The following RPS6KC1 variants were observed in gnomAD, a reference collection of about 807,000 sequenced individuals.
RPS6KC1 encodes inactive ribosomal protein S6 kinase delta-1.
Under a neutral mutation model 103.8 loss-of-function variants are expected in RPS6KC1, and 54 were observed. That is an observed-to-expected ratio of 0.52 (90% CI 0.42 to 0.65). The LOEUF (loss-of-function observed/expected upper bound fraction) is 0.65, where lower values mean the gene tolerates loss of function less well. Among genes scored for constraint, RPS6KC1 ranks in the 30% least tolerant of loss-of-function variants. The pLI is 0.00. For synonymous variants in RPS6KC1, 439 were observed against 438.7 expected (o/e 1.00, Z -0.01); for missense variants, 1,151 against 1,253.8 (o/e 0.92, Z 1.24).
chr1:213,555,440 A>G, the RPS6KC1 span, among the ~76,000 whole-genome samples: 5 of 152,144 alleles, frequency 3.3e-5, no homozygotes, highest in African/African-American at 1.2e-4. Context: ...GATTGCTTGA[A>G]TATTTCATTT....
At chr1:213,592,439 A>G in the RPS6KC1 span, among the ~76,000 whole-genome samples, 1 of 152,216 alleles carries the variant, frequency 6.6e-6, no homozygotes, top group African/African-American at 2.4e-5. Context: ...TTGAAAAATC[A>G]GGGGTTCAGA....
chr1:213,240,029 G>A (rs2094315171), intron 10 of RPS6KC1, among the ~76,000 whole-genome samples: 1 of 152,092 alleles, frequency 6.6e-6, no homozygotes, highest in Non-Finnish European at 1.5e-5. Context: ...TAGTTTTAAA[G>A]ATATATGTCA....
the RPS6KC1 span, among the ~76,000 whole-genome samples, chr1:213,285,220 G>C: frequency 2.0e-5 from 3 of 152,290 alleles, no homozygotes; most frequent in South Asian, 2.1e-4. Flanking sequence ...GGGGAGAGCA[G>C]AGAGAGGAAG....
chr1:213,614,580 C>T, the RPS6KC1 span, among the ~76,000 whole-genome samples: 1 of 152,232 alleles, frequency 6.6e-6, no homozygotes, highest in African/African-American at 2.4e-5. Flanking sequence ...CTCATCTCAG[C>T]ATTATTCCCA....
At chr1:213,303,631 C>T in the RPS6KC1 span, among the ~76,000 whole-genome samples, 1 of 152,088 alleles carries the variant, frequency 6.6e-6, no homozygotes, top group African/African-American at 2.4e-5. Flanking sequence ...CTTACCCAAA[C>T]CCCAGAGAGT....
the RPS6KC1 span, among the ~76,000 whole-genome samples, chr1:213,397,892 C>G: frequency 6.6e-5 from 10 of 152,134 alleles, no homozygotes; most frequent in African/African-American, 2.4e-4. Context: ...AAAGCTTCCT[C>G]TGTTTGCCGC....
chr1:213,096,280 C>A (rs2081443970), intron 3 of RPS6KC1, among the ~76,000 whole-genome samples: 2 of 152,208 alleles, frequency 1.3e-5, no homozygotes, highest in Admixed American at 1.3e-4. Flanking sequence ...CGTCTTCAGG[C>A]TCCTCTTCCA....
the RPS6KC1 span, among the ~76,000 whole-genome samples, chr1:213,593,062 A>G: frequency 5.3e-5 from 8 of 150,486 alleles, no homozygotes; most frequent in Non-Finnish European, 1.2e-4. Context: ...GAGCATTACA[A>G]ACAGTGTTCA....
the RPS6KC1 span, among the ~76,000 whole-genome samples, chr1:213,399,384 G>C: frequency 6.6e-6 from 1 of 152,166 alleles, no homozygotes; most frequent in African/African-American, 2.4e-5. Flanking sequence ...GACAAGTGTA[G>C]AGTTGAGTAG....
At chr1:213,714,557 G>T in the RPS6KC1 span, among the ~76,000 whole-genome samples, 3 of 152,214 alleles carry the variant, frequency 2.0e-5, no homozygotes, top group Non-Finnish European at 4.4e-5. Context: ...CCAGCTCTGG[G>T]CTGGCGTGCA....
In RPS6KC1 at chr1:213,189,880, A is replaced by G. The variant is rs1246326229; in HGVS notation, c.1044+13388A>G. Reference sequence around the variant, plus strand: ...TCAATTATTTTAATTTTTAACTCCCATAAATAAGTGAGTACATGCAAAGTT... The same window carrying G: ...TCAATTATTTTAATTTTTAACTCCCGTAAATAAGTGAGTACATGCAAAGTT... On this transcript the variant is annotated intron_variant, in intron 8 of 14. Transcript: ENST00000366960. 5.3e-5 allele frequency among the ~76,000 whole-genome samples: 8 copies of G among 152,304 alleles called. No homozygotes were observed. In the South Asian group the frequency reaches 1.4e-3, roughly 28 times the overall value.
At chr1:213,572,870 A>G in the RPS6KC1 span, among the ~76,000 whole-genome samples, 2 of 152,146 alleles carry the variant, frequency 1.3e-5, no homozygotes, top group Admixed American at 6.5e-5. Context: ...AAGAGCCCCC[A>G]TCTTGGTAAT....
chr1:213,121,493 G>C (rs925392430), intron 5 of RPS6KC1, among the ~76,000 whole-genome samples: 1 of 152,146 alleles, frequency 6.6e-6, no homozygotes, highest in Non-Finnish European at 1.5e-5. Flanking sequence ...GTAATTGGTT[G>C]CTAACATCTT....
chr1:213,224,137 A>G (rs560708333), intron 8 of RPS6KC1, among the ~76,000 whole-genome samples: 2 of 152,310 alleles, frequency 1.3e-5, no homozygotes, highest in African/African-American at 4.8e-5. Context: ...ATTTGCTTAA[A>G]AATAATCATC....
At chr1:213,074,309 T>G (rs2148494027) in intron 2 of RPS6KC1, among the ~76,000 whole-genome samples, 1 of 152,354 alleles carries the variant, frequency 6.6e-6, no homozygotes, top group South Asian at 2.1e-4. Flanking sequence ...AATATTTCAT[T>G]GAGACATTTT....
At chr1:213,342,616 C>T in the RPS6KC1 span, among the ~76,000 whole-genome samples, 1 of 152,068 alleles carries the variant, frequency 6.6e-6, no homozygotes, top group East Asian at 1.9e-4. Flanking sequence ...CCAGCCTTTC[C>T]ATACAGTTAC....
chr1:213,614,711 G>C, the RPS6KC1 span, among the ~76,000 whole-genome samples: 1 of 152,150 alleles, frequency 6.6e-6, no homozygotes, highest in Admixed American at 6.5e-5. Flanking sequence ...GAGAGAGCTG[G>C]TCAGCTTGGA....
intron 10 of RPS6KC1, among the ~76,000 whole-genome samples, chr1:213,238,506 T>A (rs1202676564): frequency 6.6e-6 from 1 of 152,146 alleles, no homozygotes; most frequent in Non-Finnish European, 1.5e-5. Context: ...TGGCATAAGA[T>A]CTGTGCTGAA....
chr1:213,739,562 A>G, the RPS6KC1 span, among the ~76,000 whole-genome samples: 1 of 152,192 alleles, frequency 6.6e-6, no homozygotes, highest in Non-Finnish European at 1.5e-5. Flanking sequence ...TTCCAGGCAT[A>G]CTGAATAAGC....
Sources: gnomAD v4.1 joint callset for allele counts (sites outside exome capture counted in the v4.1 genomes callset) on GRCh38, gnomAD v4.1.1 for gene constraint, MANE v1.5 for transcripts, NCBI Gene and HGNC (gene_info 2026-07-23, HGNC 2026-07-21) for gene names.